CELF1: variants seen among roughly 807,000 people sequenced by gnomAD.
CELF1 encodes 50 kDa nuclear polyadenylated RNA-binding protein.
A neutral mutation model predicts 61.8 loss-of-function variants in CELF1; 10 were observed. That is an observed-to-expected ratio of 0.16 (90% CI 0.10 to 0.27). The LOEUF (loss-of-function observed/expected upper bound fraction) is 0.27. Ranked by LOEUF, CELF1 falls within the 10% of genes least tolerant of loss-of-function variation. The probability of loss-of-function intolerance (pLI) is 1.00; values close to 1 mark genes in which losing one functional copy is unlikely to be tolerated. For synonymous variants in CELF1, 236 were observed against 225.1 expected (o/e 1.05, Z -0.43); for missense variants, 380 against 639.1 (o/e 0.59, Z 4.37).
At position 47,476,908 on chromosome 11, in the gene CELF1, G is replaced by A; in HGVS notation, c.1025C>T (p.Ser342Leu). 1 of 1,614,234 alleles carries A rather than the reference G, an allele frequency of 6.2e-7. No homozygotes were observed. The highest frequency in any genetic ancestry group is 8.5e-7 in the Non-Finnish European group (1 of 1,180,030). The change falls in exon 12 of 15, where the codon TCA becomes TTA. Residue 342 changes from serine (S) to leucine (L), a missense_variant. Physicochemically the swap from Ser to Leu is moderately radical, Grantham distance 145. Coordinates refer to ENST00000687097, the MANE Select transcript of CELF1 (RefSeq NM_001376376.1). ...SSSNSVNPIA[S>L]LGALQTLAGA... Reference sequence around the variant, plus strand: ...AGCTAATGTCTGCAGGGCTCCAAGTGAGGCTATGGGGTTGACAGAATTACT... The same window carrying A: ...AGCTAATGTCTGCAGGGCTCCAAGTAAGGCTATGGGGTTGACAGAATTACT...
chr11:47,475,093 C>T (rs183346381), intron 13 of CELF1, among the ~76,000 whole-genome samples: 146 of 152,348 alleles, frequency 9.6e-4, no homozygotes, highest in African/African-American at 3.4e-3. Context: ...TCTGTTGCTT[C>T]ATCTAAAAAC....
Position 47,541,291 on chromosome 11 carries a change from T to C in CELF1, c.-154+11701A>G, listed in dbSNP as rs181230160. Among the ~76,000 whole-genome samples, 4 of 1,818 alleles carry C rather than the reference T, an allele frequency of 2.2e-3. No individual in the cohort carries two copies. The East Asian group carries it at 0.19, about 85-fold the overall frequency. The allele number at this position is 1,818 out of a possible 152,430, so 1.2% of individuals were successfully genotyped here. A position where few individuals can be genotyped will look rare whatever the true frequency, so the allele number is the denominator to read the frequency against. On this transcript the variant is annotated intron_variant, in intron 1 of 14. Transcript: ENST00000687097. ...CATATTCACACAGTCTGCAAGAGCT[T>C]ACTCAATCTCACAGGAAACAAAAAG... is the stretch of plus-strand genomic sequence containing the variant.
chr11:47,550,810 A>G (rs1476351993), intron 1 of CELF1, among the ~76,000 whole-genome samples: 1 of 152,118 alleles, frequency 6.6e-6, no homozygotes, highest in Non-Finnish European at 1.5e-5. Flanking sequence ...GTATTTCACC[A>G]TGTTACTGAA....
At chr11:47,561,662 C>T (rs1485427778) in intron 2 of CELF1, among the ~76,000 whole-genome samples, 2 of 152,058 alleles carry the variant, frequency 1.3e-5, no homozygotes, top group Admixed American at 6.6e-5. Flanking sequence ...CTAACAATTC[C>T]ATGATTAGTC....
At chr11:47,492,181 T>TG in intron 3 of CELF1, among the ~76,000 whole-genome samples, 1 of 152,112 alleles carries the variant, frequency 6.6e-6, no homozygotes, top group Non-Finnish European at 1.5e-5. Context: ...GGTCTCACTA[T>TG]GTTGCAAGGG....
intron 1 of CELF1, among the ~76,000 whole-genome samples, chr11:47,548,059 G>A (rs2097024105): frequency 6.6e-6 from 1 of 152,096 alleles, no homozygotes; most frequent in Admixed American, 6.6e-5. Context: ...CCAACACTTT[G>A]GGAGGCTGAG....
chr11:47,521,683 C>T (rs2095898814), intron 1 of CELF1, among the ~76,000 whole-genome samples: 1 of 152,176 alleles, frequency 6.6e-6, no homozygotes, highest in South Asian at 2.1e-4. Context: ...ACATTTGCTA[C>T]TATTATTATT....
At chr11:47,547,271 T>C (rs925147667) in intron 1 of CELF1, among the ~76,000 whole-genome samples, 1 of 152,114 alleles carries the variant, frequency 6.6e-6, no homozygotes, top group Non-Finnish European at 1.5e-5. Flanking sequence ...TGGCAATCCA[T>C]ATGAAGAGCA....
chr11:47,556,327 G>C (rs1389877021), upstream of CELF1, among the ~76,000 whole-genome samples: 1 of 152,144 alleles, frequency 6.6e-6, no homozygotes, highest in Non-Finnish European at 1.5e-5. Context: ...TGAGATCACA[G>C]GTGTGTGCCA....
Position 47,468,076 on chromosome 11 carries a change from TACAAAA to T in CELF1, c.*4148_*4153del, listed in dbSNP as rs1161698975. The T allele has an allele frequency of 6.6e-6, 1 of 151,734 alleles. No homozygotes were observed. The highest frequency in any genetic ancestry group is 6.6e-5 in the Admixed American group (1 of 15,238). The allele number at this position is 151,734 out of a possible 1,614,324, so 9.4% of individuals were successfully genotyped here. ...ATTCAAAACAAAAACACAAAAACAA[TACAAAA>T]ACAAAAACAACAACAAAAAAATCAA... On this transcript the variant is annotated 3_prime_UTR_variant, in exon 15 of 15. Coordinates refer to ENST00000687097, the MANE Select transcript of CELF1 (RefSeq NM_001376376.1).
rs2096552042 is a variant in CELF1 at position 47,533,772 on chromosome 11, T to A, written c.-154+19220A>T. ...TTACAGTGAGCTGAGATTGCTCAAG[T>A]GCACTCCAGCCTGGGCAATAGAGCG... On this transcript the variant is annotated intron_variant, in intron 1 of 14. Transcript: ENST00000687097. Among the ~76,000 whole-genome samples the A allele has an allele frequency of 5.5e-5, 7 of 126,198 alleles. 1 individual carries two copies. In the South Asian group the frequency reaches 1.7e-3, roughly 31 times the overall value. 82.8% of individuals were successfully genotyped at this position (126,198 alleles called of 152,430 possible). A position where few individuals can be genotyped will look rare whatever the true frequency, so the allele number is the denominator to read the frequency against.
intron 1 of CELF1, among the ~76,000 whole-genome samples, chr11:47,550,422 T>C (rs954413386): frequency 6.6e-6 from 1 of 151,942 alleles, no homozygotes; most frequent in African/African-American, 2.4e-5. Flanking sequence ...TCACAGCTAC[T>C]CGGGAGGCTG....
At chr11:47,500,823 A>T (rs1308073187) in intron 2 of CELF1, 38 bp downstream of exon 2, 1 of 398,346 alleles carries the variant, frequency 2.5e-6, no homozygotes, top group Non-Finnish European at 4.4e-6. Context: ...CAAATTTCAC[A>T]GGCTTTCTTT....
intron 1 of CELF1, among the ~76,000 whole-genome samples, chr11:47,543,313 G>C (rs2096856926): frequency 1.3e-5 from 2 of 152,062 alleles, no homozygotes; most frequent in Non-Finnish European, 2.9e-5. Context: ...AGGTGGGGAA[G>C]AATCACTTGA....
chr11:47,484,869 G>A (rs1206001056), intron 6 of CELF1, among the ~76,000 whole-genome samples: 2 of 152,016 alleles, frequency 1.3e-5, no homozygotes, highest in Admixed American at 6.6e-5. Flanking sequence ...GTAGAGATGG[G>A]GTTTCTCCAT....
rs2093632405 is a variant in CELF1 at position 47,499,526 on chromosome 11, C to G, written c.-3G>C. ...AAATCCAACTTAAACGCAGCCATCA[C>G]CTCACTCTCCCCTTCAGAAGCCAAT... is the stretch of plus-strand genomic sequence containing the variant. On this transcript the variant is annotated 5_prime_UTR_variant, in exon 3 of 15. Coordinates refer to ENST00000687097, the MANE Select transcript of CELF1 (RefSeq NM_001376376.1). 1 of 1,533,742 alleles carries G rather than the reference C, an allele frequency of 6.5e-7. No homozygotes were observed.
At chr11:47,549,662 A>G (rs1333128133) in intron 1 of CELF1, among the ~76,000 whole-genome samples, 1 of 152,154 alleles carries the variant, frequency 6.6e-6, no homozygotes, top group Non-Finnish European at 1.5e-5. Flanking sequence ...ACCAGGGGCT[A>G]GTAGGAGGGG....
At chr11:47,478,787 C>T in intron 10 of CELF1, 90 bp downstream of exon 10, 1 of 1,071,962 alleles carries the variant, frequency 9.3e-7, no homozygotes, top group Non-Finnish European at 1.4e-6. Context: ...AAAATGTTTT[C>T]ACAGAAACGA....
chr11:47,526,970 G>C lies in CELF1; in HGVS notation c.-154+26022C>G, dbSNP rs369884666. Among the ~76,000 whole-genome samples the C allele has an allele frequency of 6.5e-4, 99 of 151,826 alleles. 2 individuals carry two copies. The highest frequency in any genetic ancestry group is 2.3e-3 in the African/African-American group (97 of 41,402). On this transcript the variant is annotated intron_variant, in intron 1 of 14. Transcript: ENST00000687097. ...GGAGGCTGAGGCAGGAGAATCACTT[G>C]AACCCAGGAGGCAGAGGTTGCAGTC...
Sources: allele counts gnomAD v4.1 joint callset (sites outside exome capture counted in the v4.1 genomes callset), GRCh38; gene constraint gnomAD v4.1.1; transcripts MANE v1.5; gene names NCBI Gene and HGNC (gene_info 2026-07-23, HGNC 2026-07-21).